GRM4: variants seen among roughly 807,000 people sequenced by gnomAD.
GRM4 encodes glutamate metabotropic receptor 4, also known as metabotropic glutamate receptor 4.
Under a neutral mutation model 81.7 loss-of-function variants are expected in GRM4, and 28 were observed. That is an observed-to-expected ratio of 0.34 (90% confidence interval 0.25 to 0.47). GRM4 has a LOEUF of 0.47. Among genes scored for constraint, GRM4 ranks in the 20% least tolerant of loss-of-function variants. GRM4 has a pLI of 1.00. For missense variants in GRM4, 948 were observed against 1,290.0 expected, an observed-to-expected ratio of 0.73 and a Z score of 4.06; for synonymous variants, 488 against 528.8, an observed-to-expected ratio of 0.92 and a Z score of 1.06.
chr6:34,073,468 T>G (rs1292565948), intron 3 of GRM4, among the ~76,000 whole-genome samples: 2 of 149,114 alleles, frequency 1.3e-5, no homozygotes, highest in Non-Finnish European at 3.0e-5. Context: ...CATCCACACA[T>G]CACCATACAC....
intron 2 of GRM4, among the ~76,000 whole-genome samples, chr6:34,117,928 G>A (rs1769660750): frequency 6.6e-6 from 1 of 152,166 alleles, no homozygotes; most frequent in Admixed American, 6.5e-5. Context: ...GTATATGAAA[G>A]ATGCGAGGGC....
At chr6:34,082,879 C>T (rs778775934) in intron 3 of GRM4, among the ~76,000 whole-genome samples, 5 of 152,232 alleles carry the variant, frequency 3.3e-5, no homozygotes, top group Non-Finnish European at 7.3e-5. Flanking sequence ...GAAGCCAGGC[C>T]GTCTGCCCCA....
intron 1 of GRM4, among the ~76,000 whole-genome samples, chr6:34,140,393 G>A (rs1770631496): frequency 6.6e-6 from 1 of 152,246 alleles, no homozygotes; most frequent in Non-Finnish European, 1.5e-5. Context: ...ACCACGGTGT[G>A]GACAGGGAAA....
At chr6:34,039,300 G>C (rs1225397484) in intron 8 of GRM4, among the ~76,000 whole-genome samples, 1 of 152,140 alleles carries the variant, frequency 6.6e-6, no homozygotes, top group Non-Finnish European at 1.5e-5. Context: ...GAGCACGAGG[G>C]GTTCCTCGCT....
intron 2 of GRM4, among the ~76,000 whole-genome samples, chr6:34,095,745 G>A (rs1768484270): frequency 6.6e-6 from 1 of 152,140 alleles, no homozygotes; most frequent in African/African-American, 2.4e-5. Flanking sequence ...TGGTCTCGTT[G>A]TTGTCATTGT....
Position 34,133,640 on chromosome 6 carries a change from A to T in GRM4, c.-144T>A. ...AGCCAACCGCGTAGCCCATGCTGCTACCCTCTCCCACCTCCTTGTCACTCG... is the reference window on the plus strand; with the variant it reads ...AGCCAACCGCGTAGCCCATGCTGCTTCCCTCTCCCACCTCCTTGTCACTCG... On this transcript the variant is annotated 5_prime_UTR_variant, in exon 2 of 11. Coordinates refer to ENST00000538487, the MANE Select transcript of GRM4 (RefSeq NM_000841.4). The surrounding 1 kb of genome is among the most constrained non-coding windows in gnomAD (Gnocchi z 6.5). The T allele has an allele frequency of 7.0e-7, 1 of 1,423,924 alleles. No homozygotes were observed. The highest frequency in any genetic ancestry group is 9.1e-7 in the Non-Finnish European group (1 of 1,094,846). The allele number at this position is 1,423,924 out of a possible 1,614,324, so 88.2% of individuals were successfully genotyped here.
chr6:34,148,933 A>T (rs1770994107), upstream of GRM4, among the ~76,000 whole-genome samples: 1 of 152,122 alleles, frequency 6.6e-6, no homozygotes, highest in East Asian at 1.9e-4. Flanking sequence ...TGGCAACACC[A>T]TCTCTGCAGG....
chr6:34,086,254 G>C (rs1581676095), intron 3 of GRM4, among the ~76,000 whole-genome samples: 3 of 152,322 alleles, frequency 2.0e-5, no homozygotes, highest in South Asian at 4.1e-4. Context: ...TGGGCCTCCT[G>C]CTGCCCAAGC....
intron 1 of GRM4, among the ~76,000 whole-genome samples, chr6:34,134,353 C>G (rs1220847230): frequency 6.6e-6 from 1 of 152,188 alleles, no homozygotes; most frequent in East Asian, 1.9e-4. Context: ...AGCTTTCCTG[C>G]TGTCAGCTCT....
rs2229901 is a variant in GRM4 at position 34,022,670 on chromosome 6, T to C, written c.*151A>G. The stretch of plus-strand genomic sequence containing the variant: ...GGTTTGCCCAGGCTGCCAGCAGTGA[T>C]GGCTGGGGGCTCTGCTATCCTCAGC... On this transcript the variant is annotated 3_prime_UTR_variant, in exon 11 of 11. Transcript: ENST00000538487. The surrounding 1 kb of genome is among the most constrained non-coding windows in gnomAD (Gnocchi z 5.6). 0.23 allele frequency: 158,000 copies of C among 674,752 alleles called. 24,904 individuals carry two copies. The highest frequency in any genetic ancestry group is 0.64 in the African/African-American group (36,071 of 56,344). The allele number at this position is 674,752 out of a possible 1,614,324, so 41.8% of individuals were successfully genotyped here.
intron 3 of GRM4, among the ~76,000 whole-genome samples, chr6:34,073,050 ACAT>A (rs1767062194): frequency 4.0e-5 from 3 of 74,788 alleles, no homozygotes; most frequent in South Asian, 5.0e-4. Flanking sequence ...CCACACACAC[ACAT>A]CACCACACAG....
rs1382450905 is a variant in GRM4 at position 34,068,702 on chromosome 6, C to A, written c.737-6674G>T. Among the ~76,000 whole-genome samples, 1 of 152,218 alleles carries A rather than the reference C, an allele frequency of 6.6e-6. No individual in the cohort carries two copies. Among genetic ancestry groups the A allele is most frequent in the Admixed American group, 6.5e-5 (1 of 15,284 alleles). ...AAGGAAAGGCCTCCCGTAAGAGGAGCCGGCTTGTGCCCTGCCTCACCCACT... is the reference window on the plus strand; with the variant it reads ...AAGGAAAGGCCTCCCGTAAGAGGAGACGGCTTGTGCCCTGCCTCACCCACT... On this transcript the variant is annotated intron_variant, in intron 3 of 10. Transcript: ENST00000538487. The surrounding 1 kb of genome is among the most constrained non-coding windows in gnomAD (Gnocchi z 4.2).
intron 2 of GRM4, among the ~76,000 whole-genome samples, chr6:34,112,883 C>A (rs556078506): frequency 6.6e-6 from 1 of 152,324 alleles, no homozygotes; most frequent in South Asian, 2.1e-4. Flanking sequence ...GCATCTGCTT[C>A]CCCGAACTTC....
At chr6:34,086,734 C>A (rs1767908544) in intron 3 of GRM4, among the ~76,000 whole-genome samples, 1 of 152,230 alleles carries the variant, frequency 6.6e-6, no homozygotes, top group South Asian at 2.1e-4. Context: ...TGTGTGGCCT[C>A]ATGGGAGTTA....
In GRM4 at chr6:34,082,035, C is replaced by T. The variant is rs116372808; in HGVS notation, c.736+9848G>A. On this transcript the variant is annotated intron_variant, in intron 3 of 10. Coordinates refer to ENST00000538487, the MANE Select transcript of GRM4 (RefSeq NM_000841.4). ...AGGATCCCTGTCCAATGGGAGCCTG[C>T]GGGACAGATCCCTGTCCAATGGGAG... Among the ~76,000 whole-genome samples, 1,263 of 151,380 alleles carry T rather than the reference C, an allele frequency of 8.3e-3. 26 individuals carry two copies. The highest frequency in any genetic ancestry group is 0.028 in the African/African-American group (1,164 of 41,212).
At position 34,022,814 on chromosome 6, in the gene GRM4, G is replaced by T; in HGVS notation, c.*7C>A. 6.2e-7 allele frequency: 1 copy of T among 1,612,690 alleles called. No homozygotes were observed. The highest frequency in any genetic ancestry group is 8.5e-7 in the Non-Finnish European group (1 of 1,178,678). On this transcript the variant is annotated 3_prime_UTR_variant, in exon 11 of 11. Coordinates refer to ENST00000538487, the MANE Select transcript of GRM4 (RefSeq NM_000841.4). The surrounding 1 kb of genome is among the most constrained non-coding windows in gnomAD (Gnocchi z 5.6). ...TCCTCCTCCTGCTGCTCAGCTCCAT[G>T]GACTCGCTAGATTGCATGGTTGGTG...
intron 1 of GRM4, among the ~76,000 whole-genome samples, chr6:34,154,705 G>A (rs999895623): frequency 2.0e-5 from 3 of 152,218 alleles, no homozygotes; most frequent in African/African-American, 7.2e-5. Flanking sequence ...GACACGTGGG[G>A]GGGAGTCGGC....
intron 2 of GRM4, among the ~76,000 whole-genome samples, chr6:34,113,577 T>C (rs1314604774): frequency 6.6e-6 from 1 of 152,140 alleles, no homozygotes; most frequent in African/African-American, 2.4e-5. Flanking sequence ...TGGGCTGAGC[T>C]TTGAGGATTG....
rs1770474230 is a variant in GRM4, at chr6:34,136,725, C to A, written c.-363-2866G>T. ...TCAGATCCCCTGCGAGACTTCCCTC[C>A]CACAGGACTGGGTCCCAGCCCCTGC... On this transcript the variant is annotated intron_variant, in intron 1 of 10. Transcript: ENST00000538487. This position sits in a 1 kb window ranked among gnomAD's most constrained non-coding sequence, Gnocchi z 4.1. 6.6e-6 allele frequency among the ~76,000 whole-genome samples: 1 copy of A among 152,122 alleles called. No individual in the cohort carries two copies. Among genetic ancestry groups the A allele is most frequent in the Non-Finnish European group, 1.5e-5 (1 of 68,014 alleles).
Sources: gnomAD v4.1 joint callset for allele counts (sites outside exome capture counted in the v4.1 genomes callset) on GRCh38, gnomAD v4.1.1 for gene constraint, Gnocchi (gnomAD v3.1) non-coding constraint, MANE v1.5 for transcripts, NCBI Gene and HGNC (gene_info 2026-07-23, HGNC 2026-07-21) for gene names.